Variants in DLGAP2 observed in about 807,000 individuals in gnomAD.
DLGAP2 encodes the protein disks large-associated protein 2.
A neutral mutation model predicts 100.3 loss-of-function variants in DLGAP2; 26 were observed. That is an observed-to-expected ratio of 0.26 (90% confidence interval 0.19 to 0.36). The LOEUF is 0.36. Ranked by LOEUF, DLGAP2 falls within the 10% of genes least tolerant of loss-of-function variation. The pLI, the probability that DLGAP2 is intolerant of heterozygous loss-of-function variation, is 1.00. For synonymous variants in DLGAP2, 886 were observed against 630.1 expected, an observed-to-expected ratio of 1.41 and a Z score of -6.08; for missense variants, 1,858 against 1,453.2, an observed-to-expected ratio of 1.28 and a Z score of -4.53.
chr8:1,377,161 C>G (rs1795966686), intron 3 of DLGAP2, among the ~76,000 whole-genome samples: 1 of 152,202 alleles, frequency 6.6e-6, no homozygotes. Flanking sequence ...CAGCACCTGT[C>G]CCTACCTGGC....
At chr8:1,634,488 C>G (rs918729786) in intron 8 of DLGAP2, among the ~76,000 whole-genome samples, 1 of 152,176 alleles carries the variant, frequency 6.6e-6, no homozygotes, top group African/African-American at 2.4e-5. Flanking sequence ...CTCCTGTTTT[C>G]CTCTGGTTTG....
intron 1 of DLGAP2, among the ~76,000 whole-genome samples, chr8:869,815 C>T (rs968008327): frequency 9.2e-5 from 14 of 152,084 alleles, no homozygotes; most frequent in East Asian, 3.9e-4. Context: ...AGTGGGCGGG[C>T]CTGATGGGCA....
At chr8:1,017,808 C>T (rs925992585) in intron 2 of DLGAP2, among the ~76,000 whole-genome samples, 8 of 152,242 alleles carry the variant, frequency 5.3e-5, no homozygotes, top group African/African-American at 1.7e-4. Context: ...CTCCTCTCCA[C>T]GCTACTGGGT....
chr8:1,181,811 C>G (rs1438910864), intron 2 of DLGAP2, among the ~76,000 whole-genome samples: 1 of 152,150 alleles, frequency 6.6e-6, no homozygotes. Flanking sequence ...GAGGCACCCA[C>G]GCAGAAGGCT....
chr8:1,495,839 T>C (rs1239417788), intron 3 of DLGAP2, among the ~76,000 whole-genome samples: 1 of 152,158 alleles, frequency 6.6e-6, no homozygotes, highest in East Asian at 1.9e-4. Context: ...TCAGCGCATC[T>C]CTATGTTAAA....
intron 3 of DLGAP2, among the ~76,000 whole-genome samples, chr8:1,273,918 C>G (rs1016712476): frequency 3.3e-5 from 5 of 152,176 alleles, no homozygotes; most frequent in African/African-American, 1.2e-4. Context: ...TCTGCTCTGA[C>G]TCTGGACAAT....
chr8:1,339,690 A>T (rs1177981435), intron 3 of DLGAP2, among the ~76,000 whole-genome samples: 4 of 152,036 alleles, frequency 2.6e-5, no homozygotes, highest in African/African-American at 9.7e-5. Context: ...TAATAGGGGG[A>T]TCCGGAGTCT....
At chr8:1,198,901 G>A (rs1331362873) in intron 2 of DLGAP2, among the ~76,000 whole-genome samples, 4 of 152,256 alleles carry the variant, frequency 2.6e-5, no homozygotes, top group South Asian at 2.1e-4. Flanking sequence ...CACAGGGAAG[G>A]GTGGCAGCGG....
At chr8:954,419 T>G (rs915834206) in intron 2 of DLGAP2, among the ~76,000 whole-genome samples, 7 of 152,228 alleles carry the variant, frequency 4.6e-5, no homozygotes, top group Non-Finnish European at 1.0e-4. Flanking sequence ...GTTCAAAATG[T>G]TCACGGACGC....
At chr8:1,604,665 C>G (rs1796739148) in intron 6 of DLGAP2, 1 of 152,246 alleles carries the variant, frequency 6.6e-6, no homozygotes, top group Non-Finnish European at 1.5e-5. Context: ...ACATTACATG[C>G]AAGCACGCAG....
intron 1 of DLGAP2, chr8:738,422 A>C (rs970960203): frequency 6.6e-6 from 1 of 151,620 alleles, no homozygotes; most frequent in Non-Finnish European, 1.5e-5. Flanking sequence ...GGGTGCGCGC[A>C]GCGAGGGGGT....
At chr8:1,177,849 C>G (rs1797294880) in intron 2 of DLGAP2, among the ~76,000 whole-genome samples, 1 of 152,228 alleles carries the variant, frequency 6.6e-6, no homozygotes, top group East Asian at 1.9e-4. Context: ...CCCAAGGGCC[C>G]CACCTCATAA....
Position 1,556,242 on chromosome 8 carries a change from G to A in DLGAP2, c.1230+6559G>A, listed in dbSNP as rs138419512. On this transcript the variant is annotated intron_variant, in intron 5 of 14. Coordinates refer to ENST00000637795, the MANE Select transcript of DLGAP2 (RefSeq NM_001346810.2). ...GCTGAGGCTCTGCTTCTGCAGGAGT[G>A]CAGGTAGATGGGGTCCGGCTCTGTC... 7.5e-4 allele frequency among the ~76,000 whole-genome samples: 114 copies of A among 152,332 alleles called. 1 individual carries two copies. The Middle Eastern group carries it at 0.01, about 14-fold the overall frequency.
chr8:877,732 T>C lies in DLGAP2; in HGVS notation c.19-30180T>C, dbSNP rs191384206. Among the ~76,000 whole-genome samples the C allele has an allele frequency of 2.9e-3, 439 of 152,294 alleles. 2 individuals carry two copies. Among genetic ancestry groups the C allele is most frequent in the Non-Finnish European group, 2.7e-3 (187 of 68,030 alleles). Reference sequence around the variant, plus strand: ...CTTCCCAGTTGCATTTCACCACAAATTCCAATGCTCCCGAGAGCTCCCTTA... The same window carrying C: ...CTTCCCAGTTGCATTTCACCACAAACTCCAATGCTCCCGAGAGCTCCCTTA... On this transcript the variant is annotated intron_variant, in intron 1 of 14. Coordinates refer to ENST00000637795, the MANE Select transcript of DLGAP2 (RefSeq NM_001346810.2).
chr8:836,454 G>A (rs1349723306), intron 1 of DLGAP2, among the ~76,000 whole-genome samples: 1 of 152,202 alleles, frequency 6.6e-6, no homozygotes, highest in African/African-American at 2.4e-5. Flanking sequence ...CCCTGGCAGG[G>A]ATGGGGTCCG....
chr8:1,322,788 G>A (rs565124613), intron 3 of DLGAP2, among the ~76,000 whole-genome samples: 1 of 152,300 alleles, frequency 6.6e-6, no homozygotes, highest in South Asian at 2.1e-4. Context: ...CTGCATCAGG[G>A]CCTTCTCTGA....
intron 6 of DLGAP2, among the ~76,000 whole-genome samples, chr8:1,581,410 CCA>C (rs1317070325): frequency 1.8e-4 from 27 of 151,166 alleles, no homozygotes; most frequent in African/African-American, 5.9e-4. Flanking sequence ...AGAAAAAACC[CCA>C]CACACATATA....
At chr8:1,624,420 C>T (rs1180093379) in intron 6 of DLGAP2, among the ~76,000 whole-genome samples, 1 of 151,914 alleles carries the variant, frequency 6.6e-6, no homozygotes, top group African/African-American at 2.4e-5. Flanking sequence ...GGGCTTCGTC[C>T]GCTGCACATG....
chr8:884,093 A>G (rs759040510), intron 1 of DLGAP2, among the ~76,000 whole-genome samples: 11 of 152,244 alleles, frequency 7.2e-5, no homozygotes, highest in Non-Finnish European at 1.0e-4. Flanking sequence ...TAGTGCTGCA[A>G]TAAACATACA....
Sources: allele counts gnomAD v4.1 joint callset (sites outside exome capture counted in the v4.1 genomes callset), GRCh38; gene constraint gnomAD v4.1.1; transcripts MANE v1.5; gene names NCBI Gene and HGNC (gene_info 2026-07-23, HGNC 2026-07-21).